TRAF7: variants seen among roughly 807,000 people sequenced by gnomAD.
The protein encoded by TRAF7 is TNF receptor associated factor 7.
A neutral mutation model predicts 89.3 loss-of-function variants in TRAF7; 45 were observed. That is an observed-to-expected ratio of 0.50 (90% CI 0.40 to 0.65). The LOEUF is 0.65. Among genes scored for constraint, TRAF7 ranks in the 30% least tolerant of loss-of-function variants. TRAF7 has a pLI of 0.00. For synonymous variants in TRAF7, 406 were observed against 369.2 expected (o/e 1.10, Z -1.14); for missense variants, 677 against 918.1 (o/e 0.74, Z 3.39).
intron 5 of TRAF7, 68 bp downstream of exon 5, chr16:2,170,798 C>CT: frequency 7.0e-7 from 1 of 1,431,524 alleles, no homozygotes; most frequent in Non-Finnish European, 9.6e-7. Flanking sequence ...ACGGAGGCAC[C>CT]TTCCCCTCCG....
chr16:2,171,510 G>A (rs2093110513), intron 6 of TRAF7, 62 bp from the exon 7 acceptor site: 27 of 1,609,896 alleles, frequency 1.7e-5, no homozygotes, highest in Non-Finnish European at 2.3e-5. Flanking sequence ...GGCTGCCATG[G>A]CCATGGACTA....
chr16:2,170,744 A>T lies in TRAF7; in HGVS notation c.348+14A>T. Reference sequence around the variant, plus strand: ...GAGGAGGAGCCGGTAGGTGTGGGGGACTCGGCGCAGAGCGGCTTCCAGGGC... The same window carrying T: ...GAGGAGGAGCCGGTAGGTGTGGGGGTCTCGGCGCAGAGCGGCTTCCAGGGC... On this transcript the variant is annotated intron_variant, in intron 5 of 20. Transcript: ENST00000326181. The T allele has an allele frequency of 6.3e-7, 1 of 1,587,268 alleles. No homozygotes were observed.
rs1332250209 is a variant in TRAF7 at position 2,175,381 on chromosome 16, C to G, written c.1467C>G (p.His489Gln). 1.2e-6 allele frequency: 2 copies of G among 1,613,544 alleles called. No homozygotes were observed. The highest frequency in any genetic ancestry group is 8.5e-7 in the Non-Finnish European group (1 of 1,180,012). The change falls in exon 16 of 21, where the codon CAC becomes CAG. Residue 489 changes from histidine to glutamine, a missense_variant. Transcript: ENST00000326181. ...CGGTGTGCACGCTGGTCTCCTCACA[C>G]AACGTGCTCTTCAGCGGCTCCCTGA... Reference protein sequence around the residue: ...DNPVCTLVSSHNVLFSGSLKA... With the variant: ...DNPVCTLVSSQNVLFSGSLKA...
At chr16:2,172,980 C>G (rs909957143) in intron 9 of TRAF7, among the ~76,000 whole-genome samples, 1 of 148,058 alleles carries the variant, frequency 6.8e-6, no homozygotes, top group Non-Finnish European at 1.5e-5. Flanking sequence ...AAGAGCTCTG[C>G]GGGGGTGACG....
At chr16:2,157,548 C>G (rs762370131) in intron 1 of TRAF7, among the ~76,000 whole-genome samples, 8 of 152,208 alleles carry the variant, frequency 5.3e-5, no homozygotes, top group Non-Finnish European at 1.2e-4. Flanking sequence ...CCTAGCTCCT[C>G]CCGGGTCAGA....
Position 2,178,108 on chromosome 16 carries a change from A to C in TRAF7, c.*1534A>C, listed in dbSNP as rs986827024. 3.9e-6 allele frequency: 2 copies of C among 506,948 alleles called. No homozygotes were observed. Among genetic ancestry groups the C allele is most frequent in the South Asian group, 3.2e-5 (2 of 63,254 alleles). 31.4% of individuals were successfully genotyped at this position (506,948 alleles called of 1,614,324 possible). A position where few individuals can be genotyped will look rare whatever the true frequency, so the allele number is the denominator to read the frequency against. Reference sequence around the variant, plus strand: ...AATCCGCCTCAGCTCATTCCCAATAAATTAATACTCTTGATAGCTTATATT... The same window carrying C: ...AATCCGCCTCAGCTCATTCCCAATACATTAATACTCTTGATAGCTTATATT... On this transcript the variant is annotated 3_prime_UTR_variant, in exon 21 of 21. Transcript: ENST00000326181.
chr16:2,170,618 C>G lies in TRAF7; in HGVS notation c.236C>G (p.Pro79Arg). The change falls in exon 5 of 21, where the codon CCC (proline) becomes CGC (arginine). Residue 79 changes from proline to arginine, a missense_variant. Around this residue, in one of 6 missense-constraint regions of TRAF7, gnomAD observed 240 missense variants for 191.9 expected, o/e 1.25. Transcript: ENST00000326181. ...GGCGCCTCTCCCTCCACACAGCCCC[C>G]CATCAGCACTCCCCGCCGCTCCGAC... Reference protein sequence around the residue: ...SPRDEEDSMPPISTPRRSDSA... With the variant: ...SPRDEEDSMPRISTPRRSDSA... 1.9e-6 allele frequency: 3 copies of G among 1,608,924 alleles called. No homozygotes were observed. The highest frequency in any genetic ancestry group is 2.5e-6 in the Non-Finnish European group (3 of 1,178,246).
intron 1 of TRAF7, among the ~76,000 whole-genome samples, chr16:2,157,074 C>T (rs2093038112): frequency 6.6e-6 from 1 of 151,932 alleles, no homozygotes; most frequent in South Asian, 2.1e-4. Flanking sequence ...GTCTGCCCAC[C>T]TTTCTCACTA....
rs1049303914 is a variant in TRAF7, at chr16:2,159,421, C to T, written c.-39+3563C>T. On this transcript the variant is annotated intron_variant, in intron 1 of 20. Coordinates refer to ENST00000326181, the MANE Select transcript of TRAF7 (RefSeq NM_032271.3). The surrounding 1 kb of genome is among the most constrained non-coding windows in gnomAD (Gnocchi z 6.5). Reference sequence around the variant, plus strand: ...CACCCCAGGAGCCTTCGACGTCACACCCTGCCTATTTGGGATGGAAAAAAC... The same window carrying T: ...CACCCCAGGAGCCTTCGACGTCACATCCTGCCTATTTGGGATGGAAAAAAC... 4.6e-5 allele frequency among the ~76,000 whole-genome samples: 7 copies of T among 152,222 alleles called. No homozygotes were observed. Among genetic ancestry groups the T allele is most frequent in the African/African-American group, 1.7e-4 (7 of 41,450 alleles).
rs1258329604 is a variant in TRAF7, at chr16:2,163,252, G to GC, written c.-38-630dup. On this transcript the variant is annotated intron_variant, in intron 1 of 20. Coordinates refer to ENST00000326181, the MANE Select transcript of TRAF7 (RefSeq NM_032271.3). The surrounding 1 kb of genome is among the most constrained non-coding windows in gnomAD (Gnocchi z 4.3). ...GCGTGGCTGGGAGTGTGGGTGACCTGCACGGGTTCCAGGGGCGGGCTCATC... is the reference window on the plus strand; with the variant it reads ...GCGTGGCTGGGAGTGTGGGTGACCTGCCACGGGTTCCAGGGGCGGGCTCATC... Among the ~76,000 whole-genome samples the GC allele has an allele frequency of 2.6e-5, 4 of 152,188 alleles. No individual in the cohort carries two copies. Among genetic ancestry groups the GC allele is most frequent in the Non-Finnish European group, 4.4e-5 (3 of 68,024 alleles).
rs945853210 is a variant in TRAF7, at chr16:2,159,992, C to T, written c.-38-3891C>T. On this transcript the variant is annotated intron_variant, in intron 1 of 20. Coordinates refer to ENST00000326181, the MANE Select transcript of TRAF7 (RefSeq NM_032271.3). The surrounding 1 kb of genome is among the most constrained non-coding windows in gnomAD (Gnocchi z 6.5). ...GTCCGCATCCCACATGCCCCCAGGG[C>T]GATGCCCCAGCAGAGCCCTCTAAGC... 2.0e-5 allele frequency among the ~76,000 whole-genome samples: 3 copies of T among 152,222 alleles called. No homozygotes were observed. Among genetic ancestry groups the T allele is most frequent in the African/African-American group, 7.2e-5 (3 of 41,458 alleles).
In TRAF7 at chr16:2,163,648, A is replaced by C; in HGVS notation, c.-38-235A>C. 1 of 508,530 alleles carries C rather than the reference A, an allele frequency of 2.0e-6. No individual in the cohort carries two copies. Among genetic ancestry groups the C allele is most frequent in the South Asian group, 2.0e-5 (1 of 48,796 alleles). 31.5% of individuals were successfully genotyped at this position (508,530 alleles called of 1,614,324 possible). On this transcript the variant is annotated intron_variant, in intron 1 of 20. Coordinates refer to ENST00000326181, the MANE Select transcript of TRAF7 (RefSeq NM_032271.3). The surrounding 1 kb of genome is among the most constrained non-coding windows in gnomAD (Gnocchi z 4.3). Reference sequence around the variant, plus strand: ...GCTCTTCGGGAGCTCAGAAAGGCTAAGCCTTGAGGGACGGTGACGCAGAGC... The same window carrying C: ...GCTCTTCGGGAGCTCAGAAAGGCTACGCCTTGAGGGACGGTGACGCAGAGC...
At chr16:2,169,640 G>A (rs530306973) in intron 4 of TRAF7, among the ~76,000 whole-genome samples, 4 of 152,256 alleles carry the variant, frequency 2.6e-5, no homozygotes, top group South Asian at 2.1e-4. Flanking sequence ...AGTGGTTCCC[G>A]TGCCAGCTCC....
chr16:2,156,183 C>T (rs1429913694), intron 1 of TRAF7, among the ~76,000 whole-genome samples: 3 of 152,112 alleles, frequency 2.0e-5, no homozygotes, highest in Non-Finnish European at 4.4e-5. Flanking sequence ...AACACGGTCC[C>T]AGTTCTCCTG....
In TRAF7 at chr16:2,173,476, C is replaced by A; in HGVS notation, c.1013-5C>A. 1 of 1,613,312 alleles carries A rather than the reference C, an allele frequency of 6.2e-7. No individual in the cohort carries two copies. On this transcript the variant is annotated splice_polypyrimidine_tract_variant and splice_region_variant and intron_variant, in intron 10 of 20. Transcript: ENST00000326181. ...AGTGACACCCCCTCTCCTCCTGCTACTCAGACGTCCTGGACGAAAACCAGA... is the reference window on the plus strand; with the variant it reads ...AGTGACACCCCCTCTCCTCCTGCTAATCAGACGTCCTGGACGAAAACCAGA...
At chr16:2,166,839 A>T (rs1391495801) in intron 3 of TRAF7, among the ~76,000 whole-genome samples, 2 of 152,246 alleles carry the variant, frequency 1.3e-5, no homozygotes, top group East Asian at 1.9e-4. Context: ...CAGGGAGACC[A>T]TGCGGAAGTG....
chr16:2,163,212 C>T lies in TRAF7; in HGVS notation c.-38-671C>T, dbSNP rs1054821194. 3.3e-5 allele frequency among the ~76,000 whole-genome samples: 5 copies of T among 152,212 alleles called. No homozygotes were observed. The highest frequency in any genetic ancestry group is 4.8e-5 in the African/African-American group (2 of 41,440). On this transcript the variant is annotated intron_variant, in intron 1 of 20. Coordinates refer to ENST00000326181, the MANE Select transcript of TRAF7 (RefSeq NM_032271.3). This position sits in a 1 kb window ranked among gnomAD's most constrained non-coding sequence, Gnocchi z 4.3. ...TCTCCCTGCCCCCCCACCCACCAGC[C>T]CCTGAGCCCCTGTGGCGTGGCTGGG... is the stretch of plus-strand genomic sequence containing the variant.
chr16:2,170,713 G>C lies in TRAF7; in HGVS notation c.331G>C (p.Glu111Gln), dbSNP rs754251548. The C allele has an allele frequency of 1.7e-5, 27 of 1,586,920 alleles. No homozygotes were observed. Among genetic ancestry groups the C allele is most frequent in the Non-Finnish European group, 2.1e-5 (25 of 1,165,538 alleles). ...TCTGCGCTCCACATTCTCACTGCCC[G>C]AGGAGGAGGAGGAGCCGGTAGGTGT... ...MSLRSTFSLP[E>Q]EEEEPEPLVF... The change falls in exon 5 of 21, where the codon GAG (glutamate) becomes CAG (glutamine). Residue 111 changes from glutamate (E) to glutamine (Q), a missense_variant. Physicochemically the swap from Glu to Gln is conservative, Grantham distance 29. Coordinates refer to ENST00000326181, the MANE Select transcript of TRAF7 (RefSeq NM_032271.3).
Position 2,162,025 on chromosome 16 carries a change from C to T in TRAF7, c.-38-1858C>T, listed in dbSNP as rs934981380. On this transcript the variant is annotated intron_variant, in intron 1 of 20. Coordinates refer to ENST00000326181, the MANE Select transcript of TRAF7 (RefSeq NM_032271.3). The surrounding 1 kb of genome is among the most constrained non-coding windows in gnomAD (Gnocchi z 5.0). ...TCACACAGGGCCAAGCCCCTCGAGT[C>T]GCAGTGGGGCCTGGGGAAGGCCGAG... Among the ~76,000 whole-genome samples the T allele has an allele frequency of 3.3e-5, 5 of 152,310 alleles. No individual in the cohort carries two copies. The highest frequency in any genetic ancestry group is 6.5e-5 in the Admixed American group (1 of 15,308).
Sources: gnomAD v4.1 joint callset for allele counts (sites outside exome capture counted in the v4.1 genomes callset) on GRCh38, gnomAD v4.1.1 for gene constraint, gnomAD v4.1.1 regional missense constraint, Gnocchi (gnomAD v3.1) non-coding constraint, MANE v1.5 for transcripts, NCBI Gene and HGNC (gene_info 2026-07-23, HGNC 2026-07-21) for gene names.